Variants in GPC6 observed in about 807,000 individuals in gnomAD.
GPC6 encodes glypican-6.
GPC6 carries 14 observed loss-of-function variants against 55.2 expected under a neutral mutation model. The observed-to-expected ratio is 0.25, with a 90% CI of 0.17 to 0.40. The LOEUF is 0.40. Ranked by LOEUF, GPC6 falls within the 10% of genes least tolerant of loss-of-function variation. GPC6 has a pLI of 1.00. For synonymous variants in GPC6, 278 were observed against 259.6 expected (o/e 1.07, Z -0.68); for missense variants, 641 against 708.5 (o/e 0.90, Z 1.08).
chr13:93,655,285 A>G (rs928390247), intron 2 of GPC6, among the ~76,000 whole-genome samples: 2 of 152,138 alleles, frequency 1.3e-5, no homozygotes, highest in African/African-American at 2.4e-5. Flanking sequence ...CCTTGGCCAC[A>G]GTTAGATGAT....
chr13:93,455,311 G>T (rs1198535691), intron 1 of GPC6, among the ~76,000 whole-genome samples: 1 of 152,170 alleles, frequency 6.6e-6, no homozygotes, highest in Non-Finnish European at 1.5e-5. Flanking sequence ...CCCAGAGCGA[G>T]GGAGGGCTGT....
At chr13:93,403,918 T>G (rs1876188765) in intron 1 of GPC6, among the ~76,000 whole-genome samples, 1 of 152,172 alleles carries the variant, frequency 6.6e-6, no homozygotes, top group Admixed American at 6.6e-5. Context: ...TATACCTTTC[T>G]TATTGGAAAT....
chr13:93,749,115 A>G (rs576156804), intron 2 of GPC6, among the ~76,000 whole-genome samples: 3 of 152,112 alleles, frequency 2.0e-5, no homozygotes, highest in Non-Finnish European at 4.4e-5. Flanking sequence ...AAATGTTATT[A>G]TTACACATTG....
chr13:94,148,786 T>C (rs775998881), intron 4 of GPC6, among the ~76,000 whole-genome samples: 1 of 152,176 alleles, frequency 6.6e-6, no homozygotes, highest in Non-Finnish European at 1.5e-5. Context: ...GAACAAGTTG[T>C]CAATGAGATT....
chr13:93,931,039 A>C (rs530960441), intron 3 of GPC6, among the ~76,000 whole-genome samples: 6 of 152,226 alleles, frequency 3.9e-5, no homozygotes, highest in African/African-American at 1.4e-4. Flanking sequence ...CACTATCACT[A>C]GGGCAGCACC....
chr13:94,266,187 G>C (rs1481311678), intron 4 of GPC6, among the ~76,000 whole-genome samples: 1 of 113,530 alleles, frequency 8.8e-6, no homozygotes, highest in South Asian at 2.6e-4. Flanking sequence ...TTTGTTTTTT[G>C]AGAAGGAGTC....
chr13:94,057,064 T>A (rs1020478007), intron 4 of GPC6, among the ~76,000 whole-genome samples: 6 of 152,234 alleles, frequency 3.9e-5, no homozygotes, highest in Non-Finnish European at 5.9e-5. Context: ...AAGGGTTTTT[T>A]AAAATCTATT....
At chr13:94,142,892 G>T (rs988318968) in intron 4 of GPC6, among the ~76,000 whole-genome samples, 1 of 150,840 alleles carries the variant, frequency 6.6e-6, no homozygotes, top group Non-Finnish European at 1.5e-5. Context: ...GCAGTGGCAC[G>T]ATCGCGGCTT....
chr13:93,274,041 C>T (rs1367955516), intron 1 of GPC6, among the ~76,000 whole-genome samples: 2 of 151,924 alleles, frequency 1.3e-5, no homozygotes, highest in African/African-American at 4.8e-5. Context: ...CTCCTGACCT[C>T]GTGATCCACC....
chr13:93,345,849 A>G (rs34488069), intron 1 of GPC6, among the ~76,000 whole-genome samples: 34 of 152,216 alleles, frequency 2.2e-4, no homozygotes, highest in Non-Finnish European at 4.1e-4. Context: ...AAAGAATAAA[A>G]AGCTTACTGT....
chr13:93,725,096 G>A lies in GPC6; in HGVS notation c.320-105058G>A, dbSNP rs190766599. ...CTGTGTTGTTTACCTAAAGAAGCTA[G>A]GTTTAGTCATTTTTAATTGACTTTA... On this transcript the variant is annotated intron_variant, in intron 2 of 8. Coordinates refer to ENST00000377047, the MANE Select transcript of GPC6 (RefSeq NM_005708.5). 1.2e-3 allele frequency among the ~76,000 whole-genome samples: 187 copies of A among 152,064 alleles called. 1 individual carries two copies. The highest frequency in any genetic ancestry group is 1.1e-3 in the Non-Finnish European group (78 of 67,954).
chr13:93,757,537 T>G (rs930983319), intron 2 of GPC6, among the ~76,000 whole-genome samples: 4 of 152,204 alleles, frequency 2.6e-5, no homozygotes, highest in Non-Finnish European at 5.9e-5. Flanking sequence ...CACAGAGGAT[T>G]AGAGCAAAAT....
At chr13:93,326,097 C>T (rs1042180023) in intron 1 of GPC6, among the ~76,000 whole-genome samples, 3 of 152,126 alleles carry the variant, frequency 2.0e-5, no homozygotes, top group Non-Finnish European at 4.4e-5. Context: ...GTGCACTCAG[C>T]ACCACAGGGA....
intron 4 of GPC6, among the ~76,000 whole-genome samples, chr13:94,049,621 C>T (rs931496006): frequency 1.9e-4 from 29 of 152,234 alleles, no homozygotes; most frequent in Admixed American, 1.6e-3. Context: ...ATATATGTGG[C>T]ACCTCCAGTC....
At chr13:94,264,643 G>T (rs1218752919) in intron 4 of GPC6, among the ~76,000 whole-genome samples, 1 of 152,254 alleles carries the variant, frequency 6.6e-6, no homozygotes, top group Non-Finnish European at 1.5e-5. Context: ...TGTGGAAGCT[G>T]AGAGGAAGAA....
intron 4 of GPC6, among the ~76,000 whole-genome samples, chr13:94,056,668 G>A (rs77743258): frequency 0.026 from 3,887 of 152,242 alleles, 148 homozygotes; most frequent in South Asian, 0.089. Flanking sequence ...TTACCCTCAT[G>A]AGTAGTAGAT....
chr13:94,016,512 A>T (rs1482737173), intron 3 of GPC6, among the ~76,000 whole-genome samples: 7 of 152,168 alleles, frequency 4.6e-5, no homozygotes, highest in Non-Finnish European at 7.4e-5. Context: ...TTTGTAGTGC[A>T]TTTGAAGTCA....
chr13:94,208,973 A>G (rs535187375), intron 4 of GPC6, among the ~76,000 whole-genome samples: 8 of 152,002 alleles, frequency 5.3e-5, no homozygotes, highest in Non-Finnish European at 1.2e-4. Flanking sequence ...ATTGCTTAAT[A>G]TTTTATTAAG....
intron 4 of GPC6, among the ~76,000 whole-genome samples, chr13:94,039,425 A>G (rs1883453905): frequency 6.6e-6 from 1 of 151,956 alleles, no homozygotes; most frequent in Admixed American, 6.6e-5. Flanking sequence ...GGACATAAAA[A>G]TTTATAGGAC....
Sources: gnomAD v4.1 joint callset for allele counts (sites outside exome capture counted in the v4.1 genomes callset) on GRCh38, gnomAD v4.1.1 for gene constraint, MANE v1.5 for transcripts, NCBI Gene and HGNC (gene_info 2026-07-23, HGNC 2026-07-21) for gene names.